MYO3A: variants seen among roughly 807,000 people sequenced by gnomAD.
The protein encoded by MYO3A is myosin-IIIa.
A neutral mutation model predicts 192.7 loss-of-function variants in MYO3A; 180 were observed. The observed-to-expected ratio is 0.93, with a 90% CI of 0.83 to 1.06. The LOEUF (loss-of-function observed/expected upper bound fraction) is 1.06. Among genes scored for constraint, MYO3A ranks in the 50% least tolerant of loss-of-function variants. The pLI is 0.00. For synonymous variants in MYO3A, 628 were observed against 645.3 expected (o/e 0.97, Z 0.41); for missense variants, 1,896 against 1,905.0 (o/e 1.00, Z 0.09).
chr10:25,945,761 G>T (rs1356702353), intron 2 of MYO3A, among the ~76,000 whole-genome samples: 3 of 152,006 alleles, frequency 2.0e-5, no homozygotes, highest in African/African-American at 7.2e-5. Context: ...CAATAGAGAA[G>T]AACTTACCAT....
At chr10:26,089,042 T>C (rs552942470) in intron 15 of MYO3A, among the ~76,000 whole-genome samples, 1 of 152,374 alleles carries the variant, frequency 6.6e-6, no homozygotes, top group African/African-American at 2.4e-5. Context: ...CCCTGGTGGT[T>C]ACATTATTTT....
intron 4 of MYO3A, among the ~76,000 whole-genome samples, chr10:25,993,357 C>T (rs1022399431): frequency 6.6e-6 from 1 of 151,998 alleles, no homozygotes; most frequent in African/African-American, 2.4e-5. Flanking sequence ...ATGGTGATAT[C>T]CCCTTCATGA....
In MYO3A at chr10:26,112,930, T is replaced by C. The variant is rs900184269; in HGVS notation, c.1777-7746T>C. On this transcript the variant is annotated intron_variant, in intron 17 of 34. Transcript: ENST00000642920. ...TCATTTAGAAACAATTTTTACCATA[T>C]AATGGGAATTTTCGGGGGGTTTTTT... Among the ~76,000 whole-genome samples the C allele has an allele frequency of 2.0e-5, 3 of 152,190 alleles. No individual in the cohort carries two copies. The East Asian group carries it at 5.8e-4, about 29-fold the overall frequency.
chr10:26,123,701 C>T (rs988001894), intron 18 of MYO3A, among the ~76,000 whole-genome samples: 2 of 152,122 alleles, frequency 1.3e-5, no homozygotes, highest in African/African-American at 4.8e-5. Flanking sequence ...CCAAGACGGG[C>T]AGATCACGAG....
At chr10:26,137,033 A>AC (rs199807240) in intron 20 of MYO3A, among the ~76,000 whole-genome samples, 2,418 of 151,456 alleles carry the variant, frequency 0.016, 28 homozygotes, top group Non-Finnish European at 0.026. Context: ...ACAAAACAAA[A>AC]AAAAAAGACC....
chr10:26,098,495 G>A (rs1338878336), intron 17 of MYO3A, among the ~76,000 whole-genome samples: 3 of 152,186 alleles, frequency 2.0e-5, no homozygotes, highest in African/African-American at 7.2e-5. Context: ...CCATGCCTAT[G>A]TCCTGAATGG....
intron 7 of MYO3A, 84 bp downstream of exon 7, chr10:26,016,980 A>C (rs894233823): frequency 1.4e-5 from 19 of 1,340,450 alleles, no homozygotes; most frequent in Non-Finnish European, 2.0e-5. Context: ...CTCTGTAAGC[A>C]TTTTGGAATA....
At chr10:26,201,815 A>G (rs1347210577) in intron 33 of MYO3A, among the ~76,000 whole-genome samples, 7 of 152,354 alleles carry the variant, frequency 4.6e-5, no homozygotes, top group South Asian at 4.1e-4. Context: ...CTGGAAATCT[A>G]TTGAGCCAGC....
At chr10:25,992,157 T>C (rs1037978815) in intron 4 of MYO3A, among the ~76,000 whole-genome samples, 11 of 152,232 alleles carry the variant, frequency 7.2e-5, no homozygotes, top group Non-Finnish European at 1.6e-4. Flanking sequence ...CATGGAATGG[T>C]CTTCCATTTG....
rs772337292 is a variant in MYO3A at position 26,067,029 on chromosome 10, T to C, written c.1008T>C (p.Asn336=). ...ACTTCAACCGACCTCTAATATCCAA[T>C]CTGAAGGATGTAGATGATTTAGCAA... ...KGNFNRPLIS[N]LKDVDDLATL... The change falls in exon 11 of 35, where the codon AAT becomes AAC. Residue 336 remains asparagine (N), a synonymous_variant. Transcript: ENST00000642920. 2 of 1,613,272 alleles carry C rather than the reference T, an allele frequency of 1.2e-6. No individual in the cohort carries two copies. The highest frequency in any genetic ancestry group is 2.2e-5 in the East Asian group (1 of 44,826).
rs750513780 is a variant in MYO3A at position 25,996,510 on chromosome 10, G to C, written c.324G>C (p.Val108=). 1.9e-6 allele frequency: 3 copies of C among 1,613,826 alleles called. No individual in the cohort carries two copies. The highest frequency in any genetic ancestry group is 2.5e-6 in the Non-Finnish European group (3 of 1,179,840). ...LVLELCSGGS[V]TDLVKGFLKR... ...TTTAGCTCTGCAGTGGAGGATCAGT[G>C]ACTGACCTTGTGAAAGGATTTCTGA... Residue 108 remains valine (V), a synonymous_variant, in exon 5 of 35, where the codon GTG becomes GTC. Transcript: ENST00000642920.
chr10:26,174,487 A>G lies in MYO3A; in HGVS notation c.4223A>G (p.Lys1408Arg). Residue 1408 changes from lysine to arginine, a missense_variant, in exon 30 of 35, where the codon AAG (lysine) becomes AGG (arginine). Coordinates refer to ENST00000642920, the MANE Select transcript of MYO3A (RefSeq NM_017433.5). ...TKHEEINNIK[K>R]KDNKDSKATS... ...CATGAGGAAATCAATAACATCAAGAAGAAGGATAACAAAGACTCGAAAGCA... is the reference window on the plus strand; with the variant it reads ...CATGAGGAAATCAATAACATCAAGAGGAAGGATAACAAAGACTCGAAAGCA... The G allele has an allele frequency of 6.2e-7, 1 of 1,614,194 alleles. No homozygotes were observed.
At chr10:25,986,647 C>A (rs1343575279) in intron 4 of MYO3A, among the ~76,000 whole-genome samples, 1 of 152,006 alleles carries the variant, frequency 6.6e-6, no homozygotes, top group African/African-American at 2.4e-5. Flanking sequence ...AGGAATATAT[C>A]CAACCAAGGA....
chr10:26,170,637 G>A (rs1017911592), intron 29 of MYO3A, 98 bp downstream of exon 29: 1 of 1,336,710 alleles, frequency 7.5e-7, no homozygotes, highest in Non-Finnish European at 1.0e-6. Flanking sequence ...TACTAGTCAG[G>A]TTCCTGATAC....
chr10:25,944,773 T>C (rs1588633826), intron 2 of MYO3A, among the ~76,000 whole-genome samples: 1 of 152,200 alleles, frequency 6.6e-6, no homozygotes, highest in African/African-American at 2.4e-5. Flanking sequence ...TTTCTTGCTT[T>C]AGTTATTTAT....
chr10:26,130,362 C>T (rs1429940624), intron 20 of MYO3A, among the ~76,000 whole-genome samples: 2 of 152,180 alleles, frequency 1.3e-5, no homozygotes, highest in South Asian at 4.1e-4. Flanking sequence ...CTGCCTGTCT[C>T]GGCCTCCCAA....
At chr10:26,059,737 A>G (rs1490768613) in intron 10 of MYO3A, among the ~76,000 whole-genome samples, 2 of 152,352 alleles carry the variant, frequency 1.3e-5, no homozygotes, top group South Asian at 4.1e-4. Context: ...TTTGAAACTC[A>G]TTGATTGTAC....
At chr10:25,971,647 G>C (rs953962804) in intron 4 of MYO3A, among the ~76,000 whole-genome samples, 1 of 152,054 alleles carries the variant, frequency 6.6e-6, no homozygotes, top group Non-Finnish European at 1.5e-5. Flanking sequence ...TTTTCCTTTA[G>C]CACCTTGAAT....
At chr10:26,026,587 C>T (rs1276109863) in intron 10 of MYO3A, 55 bp downstream of exon 10, 3 of 1,595,694 alleles carry the variant, frequency 1.9e-6, no homozygotes, top group African/African-American at 2.7e-5. Context: ...AGATTTTGAA[C>T]AGTTTAACAA....
Sources: allele counts gnomAD v4.1 joint callset (sites outside exome capture counted in the v4.1 genomes callset), GRCh38; gene constraint gnomAD v4.1.1; transcripts MANE v1.5; gene names NCBI Gene and HGNC (gene_info 2026-07-23, HGNC 2026-07-21).